The following PHIP variants were observed in gnomAD, a reference collection of about 807,000 sequenced individuals.
PHIP encodes PHIP subunit of CUL4-Ring ligase complex.
Under a neutral mutation model 236.8 loss-of-function variants are expected in PHIP, and 54 were observed. The ratio of observed to expected loss-of-function variants is 0.23; its 90% confidence interval spans 0.18 to 0.29. PHIP has a LOEUF of 0.29. Ranked by LOEUF, PHIP falls within the 10% of genes least tolerant of loss-of-function variation. The probability of loss-of-function intolerance (pLI) is 1.00; values close to 1 mark genes in which losing one functional copy is unlikely to be tolerated. For synonymous variants in PHIP, 756 were observed against 718.9 expected, an observed-to-expected ratio of 1.05 and a Z score of -0.83; for missense variants, 1,370 against 2,190.8, an observed-to-expected ratio of 0.63 and a Z score of 7.48.
At chr6:78,972,941 T>C (rs897422710) in intron 24 of PHIP, among the ~76,000 whole-genome samples, 3 of 151,994 alleles carry the variant, frequency 2.0e-5, no homozygotes, top group Non-Finnish European at 4.4e-5. Flanking sequence ...TGGAACCAAG[T>C]TGGAAAACAC....
intron 7 of PHIP, among the ~76,000 whole-genome samples, chr6:79,037,108 C>T (rs1375072108): frequency 6.6e-6 from 1 of 152,026 alleles, no homozygotes; most frequent in Non-Finnish European, 1.5e-5. Context: ...CAAATTTTGT[C>T]AACTGTTTTG....
intron 4 of PHIP, among the ~76,000 whole-genome samples, chr6:79,073,912 G>A (rs1051849873): frequency 3.9e-5 from 6 of 152,032 alleles, no homozygotes; most frequent in South Asian, 2.1e-4. Flanking sequence ...TAAGCTCTAA[G>A]AATGAAATAA....
chr6:79,075,562 A>G (rs1024070586), intron 4 of PHIP, among the ~76,000 whole-genome samples: 4 of 150,796 alleles, frequency 2.7e-5, no homozygotes, highest in South Asian at 2.1e-4. Flanking sequence ...CACTTTACTA[A>G]TAATTCCTCC....
chr6:78,977,563 G>A (rs1290824726), intron 24 of PHIP, among the ~76,000 whole-genome samples: 1 of 146,298 alleles, frequency 6.8e-6, no homozygotes, highest in South Asian at 2.4e-4. Context: ...AACTTTAAAT[G>A]ATGGAATAGT....
chr6:79,016,913 T>C (rs1770856573), intron 12 of PHIP, among the ~76,000 whole-genome samples: 1 of 151,998 alleles, frequency 6.6e-6, no homozygotes, highest in South Asian at 2.1e-4. Flanking sequence ...GAAAAAACAA[T>C]GATTTTCTTC....
intron 37 of PHIP, 190 bp downstream of exon 37, chr6:78,946,521 T>C: frequency 1.4e-6 from 2 of 1,382,812 alleles, no homozygotes; most frequent in Non-Finnish European, 1.9e-6. Context: ...TTTAGCAGTT[T>C]GAATTTAAGC....
At chr6:79,062,997 T>C (rs1328390466) in intron 4 of PHIP, among the ~76,000 whole-genome samples, 1 of 152,228 alleles carries the variant, frequency 6.6e-6, no homozygotes, top group Non-Finnish European at 1.5e-5. Context: ...TAGCACTGTG[T>C]AGTACTTACC....
chr6:78,985,300 C>A, intron 22 of PHIP, 52 bp downstream of exon 22: 2 of 982,176 alleles, frequency 2.0e-6, no homozygotes, highest in Admixed American at 2.0e-5. Flanking sequence ...AAAAAAAACA[C>A]CTTTCTAAAG....
intron 17 of PHIP, among the ~76,000 whole-genome samples, chr6:78,999,141 C>T (rs185071050): frequency 1.6e-4 from 24 of 152,270 alleles, no homozygotes; most frequent in Admixed American, 2.6e-4. Flanking sequence ...GAGGTACAAA[C>T]GCTGTGAAGC....
intron 16 of PHIP, 109 bp from the exon 17 acceptor site, chr6:79,002,233 G>A: frequency 1.6e-6 from 1 of 644,862 alleles, no homozygotes; most frequent in Admixed American, 2.9e-5. Context: ...ACGAATAATG[G>A]TATTAAGCAA....
chr6:78,971,518 G>A (rs889118539), intron 24 of PHIP, among the ~76,000 whole-genome samples: 2 of 152,124 alleles, frequency 1.3e-5, no homozygotes, highest in African/African-American at 4.8e-5. Flanking sequence ...ATTATTGCGG[G>A]GAGGGGCCAA....
intron 6 of PHIP, 131 bp downstream of exon 6, chr6:79,060,347 A>G (rs1397799212): frequency 1.4e-5 from 8 of 563,572 alleles, no homozygotes; most frequent in Non-Finnish European, 2.4e-5. Context: ...AAAAAAATCT[A>G]TTTTTTTCTT....
intron 17 of PHIP, among the ~76,000 whole-genome samples, chr6:79,001,018 T>C (rs1769958003): frequency 6.6e-6 from 1 of 152,138 alleles, no homozygotes; most frequent in Non-Finnish European, 1.5e-5. Context: ...TGATTTTTTC[T>C]GTGCTCCTTA....
At chr6:79,065,169 A>G (rs1221363450) in intron 4 of PHIP, among the ~76,000 whole-genome samples, 7 of 152,210 alleles carry the variant, frequency 4.6e-5, no homozygotes, top group Non-Finnish European at 7.3e-5. Context: ...TTTGCAATAA[A>G]TGCATACCTT....
intron 6 of PHIP, among the ~76,000 whole-genome samples, chr6:79,055,380 A>C (rs1773017404): frequency 6.6e-6 from 1 of 152,166 alleles, no homozygotes; most frequent in South Asian, 2.1e-4. Context: ...TTACTCATGC[A>C]CATTTATTAC....
At chr6:79,004,483 T>C (rs1770177238) in intron 15 of PHIP, 10 of 786,804 alleles carry the variant, frequency 1.3e-5, no homozygotes, top group Non-Finnish European at 1.5e-5. Context: ...AATTTTTTGC[T>C]CTCAGTGCTT....
chr6:78,968,454 A>G (rs1234812902), intron 27 of PHIP, among the ~76,000 whole-genome samples: 1 of 152,202 alleles, frequency 6.6e-6, no homozygotes, highest in Non-Finnish European at 1.5e-5. Context: ...TGGGATGTGA[A>G]ATCCATGAAT....
chr6:78,965,848 T>A (rs1282818818), intron 28 of PHIP, 84 bp from the exon 29 acceptor site: 1 of 1,183,480 alleles, frequency 8.4e-7, no homozygotes, highest in East Asian at 2.3e-5. Flanking sequence ...AAATAATTGC[T>A]TCTGTGTTTA....
intron 35 of PHIP, among the ~76,000 whole-genome samples, chr6:78,953,818 TCAG>T (rs2127689804): frequency 6.6e-6 from 1 of 152,252 alleles, no homozygotes; most frequent in African/African-American, 2.4e-5. Flanking sequence ...ACTCCTGGCC[TCAG>T]GTGATCCGCC....
Sources: gnomAD v4.1 joint callset for allele counts (sites outside exome capture counted in the v4.1 genomes callset) on GRCh38, gnomAD v4.1.1 for gene constraint, MANE v1.5 for transcripts, NCBI Gene and HGNC (gene_info 2026-07-23, HGNC 2026-07-21) for gene names.